CXADR: variants seen among roughly 807,000 people sequenced by gnomAD.
The protein encoded by CXADR is coxsackievirus and adenovirus receptor.
A neutral mutation model predicts 40.3 loss-of-function variants in CXADR; 20 were observed. That is an observed-to-expected ratio of 0.50 (90% CI 0.35 to 0.72). CXADR has a LOEUF of 0.72. Among genes scored for constraint, CXADR ranks in the 30% least tolerant of loss-of-function variants. The pLI, the probability that CXADR is intolerant of heterozygous loss-of-function variation, is 0.01. For missense variants in CXADR, 332 were observed against 449.1 expected (o/e 0.74, Z 2.36); for synonymous variants, 150 against 161.3 (o/e 0.93, Z 0.53).
At chr21:17,610,871 G>A in the CXADR span, among the ~76,000 whole-genome samples, 1 of 152,158 alleles carries the variant, frequency 6.6e-6, no homozygotes, top group Non-Finnish European at 1.5e-5. Flanking sequence ...TTCAGAATAT[G>A]ACTCCTTTAT....
At chr21:17,581,882 T>C (rs1404426115) in intron 7 of CXADR, among the ~76,000 whole-genome samples, 1 of 141,748 alleles carries the variant, frequency 7.1e-6, no homozygotes, top group Non-Finnish European at 1.5e-5. Flanking sequence ...GAGAATTCCA[T>C]TTTTCCTTTG....
intron 7 of CXADR, among the ~76,000 whole-genome samples, chr21:17,577,137 G>GT (rs1290658794): frequency 1.3e-5 from 2 of 151,660 alleles, no homozygotes; most frequent in Non-Finnish European, 2.9e-5. Flanking sequence ...GGGCTACAGA[G>GT]TGAGACCCTG....
At chr21:17,613,441 C>T in the CXADR span, 6 of 152,318 alleles carry the variant, frequency 3.9e-5, no homozygotes, top group African/African-American at 1.4e-4. Flanking sequence ...CAATTACACG[C>T]ACGTTAACCG....
intron 1 of CXADR, among the ~76,000 whole-genome samples, chr21:17,545,505 C>A (rs1028982468): frequency 6.6e-6 from 1 of 152,136 alleles, no homozygotes; most frequent in Non-Finnish European, 1.5e-5. Context: ...TGGCTCACTG[C>A]AGCCTCTACC....
the CXADR span, among the ~76,000 whole-genome samples, chr21:17,636,086 G>T: frequency 6.6e-6 from 1 of 152,096 alleles, no homozygotes; most frequent in East Asian, 1.9e-4. Context: ...TTTAATTTCT[G>T]ATTGTTTATT....
the CXADR span, among the ~76,000 whole-genome samples, chr21:17,607,221 A>G: frequency 6.6e-6 from 1 of 152,180 alleles, no homozygotes. Context: ...GAAATTGTAC[A>G]CTGTCTGACC....
downstream of CXADR, chr21:17,594,018 C>CTT: frequency 6.6e-7 from 1 of 1,509,772 alleles, no homozygotes. Context: ...TTAGTAAGAA[C>CTT]TTTTAACTTT....
intron 1 of CXADR, chr21:17,518,671 C>G (rs2060491329): frequency 1.2e-6 from 2 of 1,609,922 alleles, no homozygotes; most frequent in South Asian, 1.1e-5. Flanking sequence ...GCTTGTTAAA[C>G]TGTCAGCACC....
At chr21:17,619,959 G>C in the CXADR span, among the ~76,000 whole-genome samples, 2 of 152,200 alleles carry the variant, frequency 1.3e-5, no homozygotes, top group South Asian at 4.1e-4. Flanking sequence ...GCTTGCTCTG[G>C]ATTAGGCTTT....
At chr21:17,524,417 C>A (rs1863207925) in intron 1 of CXADR, among the ~76,000 whole-genome samples, 1 of 151,302 alleles carries the variant, frequency 6.6e-6, no homozygotes, top group Non-Finnish European at 1.5e-5. Context: ...CAAAAATCAG[C>A]TGGGCGTGGT....
At chr21:17,554,668 G>A (rs557691271) in intron 3 of CXADR, among the ~76,000 whole-genome samples, 4 of 152,252 alleles carry the variant, frequency 2.6e-5, no homozygotes, top group Non-Finnish European at 5.9e-5. Context: ...GAAACCACCA[G>A]AATTATATTC....
At chr21:17,581,626 T>G (rs538425960) in intron 7 of CXADR, among the ~76,000 whole-genome samples, 1 of 133,952 alleles carries the variant, frequency 7.5e-6, no homozygotes, top group African/African-American at 2.9e-5. Flanking sequence ...GGAGGATCAC[T>G]TGAGGCCAGG....
At position 17,555,085 on chromosome 21, in the gene CXADR, A is replaced by G. The variant is rs76060037; in HGVS notation, c.415+3132A>G. On this transcript the variant is annotated intron_variant, in intron 3 of 6. Transcript: ENST00000284878. ...CTCAGTAAAGAAGCAGAAGTGGGAA[A>G]TGATAACAAAGAGAGTTGATAGAAG... 5.6e-3 allele frequency among the ~76,000 whole-genome samples: 853 copies of G among 152,334 alleles called. 4 individuals are homozygous for G. The highest frequency in any genetic ancestry group is 0.02 in the African/African-American group (825 of 41,584).
chr21:17,588,931 T>C (rs1311724791), intron 7 of CXADR, among the ~76,000 whole-genome samples: 1 of 152,068 alleles, frequency 6.6e-6, no homozygotes, highest in Non-Finnish European at 1.5e-5. Flanking sequence ...AAAAATGATA[T>C]ATTCTTCTAT....
chr21:17,611,486 G>A, the CXADR span, among the ~76,000 whole-genome samples: 1 of 152,102 alleles, frequency 6.6e-6, no homozygotes. Context: ...TGTTTTCCCC[G>A]TTTGAAGAAA....
Position 17,568,668 on chromosome 21 carries a change from G to A in CXADR, c.*2976G>A. On this transcript the variant is annotated 3_prime_UTR_variant, in exon 7 of 7. Transcript: ENST00000284878. ...GGCCTCCCAAATTGCTGGGATTACA[G>A]GTGTGAGCCGCAGCATCCAGCCAGT... 1 of 984,950 alleles carries A rather than the reference G, an allele frequency of 1.0e-6. No homozygotes were observed. The highest frequency in any genetic ancestry group is 1.1e-4 in the East Asian group (1 of 8,792). The allele number at this position is 984,950 out of a possible 1,614,324, so 61.0% of individuals were successfully genotyped here. A position where few individuals can be genotyped will look rare whatever the true frequency, so the allele number is the denominator to read the frequency against.
In CXADR at chr21:17,565,665, A is replaced by T. The variant is rs1458708288; in HGVS notation, c.1071A>T (p.Ala357=). ...GTGCGATTCCTGTGATGATTCCAGC[A>T]CAGAGCAAGGATGGGTCTATAGTAT... ...RMGAIPVMIP[A]QSKDGSIV Residue 357 remains alanine (A), a synonymous_variant, in exon 7 of 7, where the codon GCA becomes GCT. Coordinates refer to ENST00000284878, the MANE Select transcript of CXADR (RefSeq NM_001338.5). 1.2e-6 allele frequency: 2 copies of T among 1,611,872 alleles called. No homozygotes were observed. The highest frequency in any genetic ancestry group is 2.7e-5 in the African/African-American group (2 of 74,836).
chr21:17,590,650 T>C (rs1015346480), intron 7 of CXADR, among the ~76,000 whole-genome samples: 10 of 152,064 alleles, frequency 6.6e-5, no homozygotes, highest in Non-Finnish European at 1.3e-4. Context: ...TGTTATTGCT[T>C]CATCCATTGC....
rs532541050 is a variant in CXADR, at chr21:17,577,612, C to CTTTTTTTTTTTTTTTT, written c.1017+12014_1017+12029dup. 8.5e-4 allele frequency among the ~76,000 whole-genome samples: 31 copies of CTTTTTTTTTTTTTTTT among 36,574 alleles called. 3 individuals carry two copies. Among genetic ancestry groups the CTTTTTTTTTTTTTTTT allele is most frequent in the Non-Finnish European group, 1.3e-3 (24 of 18,910 alleles). 24.0% of individuals were successfully genotyped at this position (36,574 alleles called of 152,430 possible). ...CTCACACGTCAGACCATTCTGCAAG[C>CTTTTTTTTTTTTTTTT]TTTTTTTTTTTTTTTTTTTTTTTTT... On this transcript the variant is annotated intron_variant, in intron 7 of 7. Transcript: ENST00000400169.
Sources: gnomAD v4.1 joint callset for allele counts (sites outside exome capture counted in the v4.1 genomes callset) on GRCh38, gnomAD v4.1.1 for gene constraint, MANE v1.5 for transcripts, NCBI Gene and HGNC (gene_info 2026-07-23, HGNC 2026-07-21) for gene names.